Variants in REDIC1 observed in about 807,000 individuals in gnomAD.
The protein encoded by REDIC1 is HEI10 Interacting Protein 1.
At chr12:39,762,992 CTT>C in the REDIC1 span, among the ~76,000 whole-genome samples, 2 of 151,988 alleles carry the variant, frequency 1.3e-5, no homozygotes, top group Non-Finnish European at 2.9e-5. Context: ...ATCATGTAAA[CTT>C]TTATTATTTG....
chr12:39,653,173 T>G, the REDIC1 span, among the ~76,000 whole-genome samples: 2 of 152,084 alleles, frequency 1.3e-5, no homozygotes, highest in African/African-American at 4.8e-5. Context: ...TCCACAAGCA[T>G]AAAATGTTTT....
At chr12:39,792,533 C>G in the REDIC1 span, among the ~76,000 whole-genome samples, 9 of 152,076 alleles carry the variant, frequency 5.9e-5, no homozygotes, top group Non-Finnish European at 1.3e-4. Context: ...TTGTGACTAC[C>G]ATTTTGGGCA....
the REDIC1 span, among the ~76,000 whole-genome samples, chr12:39,898,995 T>C: frequency 6.6e-6 from 1 of 152,182 alleles, no homozygotes; most frequent in Non-Finnish European, 1.5e-5. Flanking sequence ...GCTGGCCTCA[T>C]AAAATGAGTT....
At chr12:39,661,151 C>T in the REDIC1 span, among the ~76,000 whole-genome samples, 2 of 151,994 alleles carry the variant, frequency 1.3e-5, no homozygotes, top group Non-Finnish European at 2.9e-5. Flanking sequence ...GACTGTTTTC[C>T]TTTTATTTGG....
the REDIC1 span, chr12:39,758,648 T>C: frequency 1.3e-5 from 2 of 152,136 alleles, no homozygotes; most frequent in Non-Finnish European, 2.9e-5. Context: ...TGGAAAGACA[T>C]TGTGGAAATA....
the REDIC1 span, among the ~76,000 whole-genome samples, chr12:39,653,592 C>CTTCTTTTTCT: frequency 8.8e-5 from 2 of 22,806 alleles, no homozygotes; most frequent in African/African-American, 2.1e-4. Context: ...CTTCTTCTTC[C>CTTCTTTTTCT]TCTTCTTCTT....
the REDIC1 span, among the ~76,000 whole-genome samples, chr12:39,890,735 G>T: frequency 6.6e-6 from 1 of 152,064 alleles, no homozygotes; most frequent in Admixed American, 6.6e-5. Flanking sequence ...GAGGTAATTT[G>T]CAGCAGCTGT....
At chr12:39,763,534 G>A in the REDIC1 span, among the ~76,000 whole-genome samples, 1 of 152,050 alleles carries the variant, frequency 6.6e-6, no homozygotes, top group Non-Finnish European at 1.5e-5. Flanking sequence ...TGGCCCTCCA[G>A]GGATTTATAG....
chr12:39,703,270 A>G, the REDIC1 span, among the ~76,000 whole-genome samples: 440 of 150,854 alleles, frequency 2.9e-3, 3 homozygotes, highest in African/African-American at 0.01. Flanking sequence ...AAAAATCACA[A>G]GCATTCTTAT....
the REDIC1 span, among the ~76,000 whole-genome samples, chr12:39,678,249 G>A: frequency 4.6e-5 from 7 of 151,872 alleles, no homozygotes; most frequent in African/African-American, 1.7e-4. Flanking sequence ...AAACAAAATG[G>A]GAGATATTAT....
At chr12:39,681,847 G>T in the REDIC1 span, among the ~76,000 whole-genome samples, 112,232 of 151,944 alleles carry the variant, frequency 0.74, 42,840 homozygotes, top group Non-Finnish European at 0.84. Context: ...GCAATCTGTG[G>T]TTTTTTTTCC....
the REDIC1 span, among the ~76,000 whole-genome samples, chr12:39,805,265 C>T: frequency 6.6e-6 from 1 of 152,264 alleles, no homozygotes; most frequent in East Asian, 1.9e-4. Flanking sequence ...GTGGTGTGAT[C>T]TGGCCTCATT....
At chr12:39,764,505 C>A in the REDIC1 span, 2 of 1,610,312 alleles carry the variant, frequency 1.2e-6, no homozygotes, top group Non-Finnish European at 1.7e-6. Flanking sequence ...GTTAGTGAAA[C>A]CAGGACATTG....
the REDIC1 span, among the ~76,000 whole-genome samples, chr12:39,896,269 TATATGTATA>T: frequency 7.4e-6 from 1 of 135,912 alleles, no homozygotes; most frequent in South Asian, 2.3e-4. Flanking sequence ...TATGTGTGTA[TATATGTATA>T]CATGTATGTA....
At chr12:39,716,806 A>G in the REDIC1 span, 4 of 1,601,552 alleles carry the variant, frequency 2.5e-6, no homozygotes, top group East Asian at 6.8e-5. Context: ...TCCAAGACCA[A>G]CAGACAGCTG....
At chr12:39,715,230 G>T in the REDIC1 span, among the ~76,000 whole-genome samples, 2 of 151,868 alleles carry the variant, frequency 1.3e-5, no homozygotes, top group South Asian at 2.1e-4. Context: ...ATCTTGAGTT[G>T]ATTTTTTGTC....
chr12:39,727,308 A>T, the REDIC1 span, among the ~76,000 whole-genome samples: 3 of 152,116 alleles, frequency 2.0e-5, no homozygotes, highest in Admixed American at 2.0e-4. Context: ...TCCTTAATCC[A>T]TCTTGAGTTA....
At chr12:39,738,580 C>CT in the REDIC1 span, among the ~76,000 whole-genome samples, 1 of 152,078 alleles carries the variant, frequency 6.6e-6, no homozygotes, top group African/African-American at 2.4e-5. Context: ...AAGGTGGAGT[C>CT]TAATAGAAGC....
At chr12:39,636,469 T>G in the REDIC1 span, among the ~76,000 whole-genome samples, 1 of 152,120 alleles carries the variant, frequency 6.6e-6, no homozygotes, top group Non-Finnish European at 1.5e-5. Context: ...CCAATGTAAG[T>G]ACTTTTTCTA....
Sources: allele counts gnomAD v4.1 joint callset (sites outside exome capture counted in the v4.1 genomes callset), GRCh38; gene constraint gnomAD v4.1.1; transcripts MANE v1.5; gene names NCBI Gene and HGNC (gene_info 2026-07-23, HGNC 2026-07-21).